SYNDIG1: variants seen among roughly 807,000 people sequenced by gnomAD.
SYNDIG1 encodes synapse differentiation inducing 1, also known as synapse differentiation-inducing gene protein 1.
A neutral mutation model predicts 19.4 loss-of-function variants in SYNDIG1; 9 were observed. That is an observed-to-expected ratio of 0.46 (90% CI 0.28 to 0.81). SYNDIG1 has a LOEUF of 0.81. SYNDIG1 is among the 30% of genes least tolerant of loss of function. The pLI is 0.12. For missense variants in SYNDIG1, 311 were observed against 343.3 expected (o/e 0.91, Z 0.74); for synonymous variants, 141 against 145.9 (o/e 0.97, Z 0.24).
intron 1 of SYNDIG1, among the ~76,000 whole-genome samples, chr20:24,478,635 C>A (rs902127611): frequency 6.6e-6 from 1 of 152,222 alleles, no homozygotes; most frequent in Non-Finnish European, 1.5e-5. Flanking sequence ...GCAGACAGCT[C>A]CAGCTTCCAG....
chr20:24,595,733 C>T (rs1470501794), intron 3 of SYNDIG1, among the ~76,000 whole-genome samples: 2 of 152,180 alleles, frequency 1.3e-5, no homozygotes, highest in African/African-American at 4.8e-5. Context: ...TTTTGTGTTT[C>T]CAGCAATGTA....
At chr20:24,656,427 T>G (rs2059526535) in intron 3 of SYNDIG1, among the ~76,000 whole-genome samples, 1 of 152,226 alleles carries the variant, frequency 6.6e-6, no homozygotes, top group East Asian at 1.9e-4. Context: ...ACGGCCTGCA[T>G]GCTGGACCCC....
intron 3 of SYNDIG1, among the ~76,000 whole-genome samples, chr20:24,654,650 GAGGAAGGA>G (rs572001347): frequency 0.033 from 3,827 of 117,426 alleles, 85 homozygotes; most frequent in African/African-American, 0.064. Context: ...GGGAGGGAGG[GAGGAAGGA>G]AGGAAGGAAG....
chr20:24,502,864 G>A (rs560704068), intron 1 of SYNDIG1, among the ~76,000 whole-genome samples: 2 of 152,346 alleles, frequency 1.3e-5, no homozygotes, highest in Admixed American at 1.3e-4. Context: ...TACAGTGCCT[G>A]CTGACGTGTC....
At chr20:24,627,519 G>A (rs927915825) in intron 3 of SYNDIG1, among the ~76,000 whole-genome samples, 1 of 152,186 alleles carries the variant, frequency 6.6e-6, no homozygotes, top group African/African-American at 2.4e-5. Context: ...GGATCATGCT[G>A]CAGTCTCCGC....
intron 3 of SYNDIG1, among the ~76,000 whole-genome samples, chr20:24,643,167 T>G (rs908978697): frequency 3.9e-5 from 6 of 152,216 alleles, no homozygotes; most frequent in African/African-American, 1.4e-4. Flanking sequence ...CACACATCAC[T>G]GCAGCCTTCT....
intron 3 of SYNDIG1, among the ~76,000 whole-genome samples, chr20:24,627,040 C>T (rs904283051): frequency 2.3e-4 from 34 of 149,848 alleles, no homozygotes; most frequent in African/African-American, 8.2e-4. Flanking sequence ...AGTCCAGCTT[C>T]GGCTCGGCAT....
chr20:24,592,680 C>T (rs2058531727), intron 3 of SYNDIG1, among the ~76,000 whole-genome samples: 1 of 152,234 alleles, frequency 6.6e-6, no homozygotes, highest in Non-Finnish European at 1.5e-5. Context: ...GCGGCACGAT[C>T]ATGGCTCACT....
chr20:24,544,593 TC>T (rs1221128467), intron 2 of SYNDIG1, among the ~76,000 whole-genome samples: 2 of 151,916 alleles, frequency 1.3e-5, no homozygotes, highest in Non-Finnish European at 2.9e-5. Flanking sequence ...GGAGCTGAAC[TC>T]CAAGCATGTA....
chr20:24,599,089 A>G (rs892280484), intron 3 of SYNDIG1, among the ~76,000 whole-genome samples: 1 of 152,196 alleles, frequency 6.6e-6, no homozygotes, highest in Non-Finnish European at 1.5e-5. Flanking sequence ...CAAACTAGAC[A>G]TCTCACAAGG....
intron 2 of SYNDIG1, among the ~76,000 whole-genome samples, chr20:24,562,258 A>G (rs2057961080): frequency 6.6e-6 from 1 of 152,274 alleles, no homozygotes; most frequent in South Asian, 2.1e-4. Context: ...AAGAGCCACC[A>G]GCATGAATAA....
At chr20:24,570,503 A>G (rs939573683) in intron 2 of SYNDIG1, among the ~76,000 whole-genome samples, 1 of 152,240 alleles carries the variant, frequency 6.6e-6, no homozygotes, top group Non-Finnish European at 1.5e-5. Flanking sequence ...ATTTGAACAG[A>G]CACTTCATGA....
chr20:24,470,666 A>T (rs769900247), intron 1 of SYNDIG1, among the ~76,000 whole-genome samples: 26 of 152,052 alleles, frequency 1.7e-4, no homozygotes, highest in Non-Finnish European at 3.1e-4. Flanking sequence ...TTTTTGCAAG[A>T]CCCTACTAGA....
chr20:24,563,013 TA>T (rs1254767744), intron 2 of SYNDIG1, among the ~76,000 whole-genome samples: 1 of 152,214 alleles, frequency 6.6e-6, no homozygotes, highest in Non-Finnish European at 1.5e-5. Context: ...CAAATAGTAG[TA>T]AAATGTTGAT....
intron 3 of SYNDIG1, among the ~76,000 whole-genome samples, chr20:24,589,109 GGC>G (rs1387569533): frequency 6.6e-6 from 1 of 152,162 alleles, no homozygotes; most frequent in East Asian, 1.9e-4. Flanking sequence ...AGGGTGGTGT[GGC>G]TTCATCTAGG....
intron 2 of SYNDIG1, among the ~76,000 whole-genome samples, chr20:24,553,562 T>C (rs1264212220): frequency 6.6e-6 from 1 of 152,256 alleles, no homozygotes; most frequent in East Asian, 1.9e-4. Context: ...AGTTATTAAA[T>C]AGGAAATCCT....
chr20:24,550,917 T>TTGGATAAGGA (rs1311517584), intron 2 of SYNDIG1, among the ~76,000 whole-genome samples: 4 of 152,324 alleles, frequency 2.6e-5, no homozygotes, highest in Non-Finnish European at 5.9e-5. Flanking sequence ...TTTCTAATCC[T>TTGGATAAGGA]TGGATAAGGA....
intron 3 of SYNDIG1, among the ~76,000 whole-genome samples, chr20:24,608,765 G>A (rs1199860656): frequency 1.3e-5 from 2 of 152,170 alleles, no homozygotes; most frequent in Admixed American, 6.5e-5. Context: ...AGTAAGGATG[G>A]GGCTGAGAAG....
At chr20:24,618,449 A>G (rs1437888886) in intron 3 of SYNDIG1, among the ~76,000 whole-genome samples, 1 of 152,084 alleles carries the variant, frequency 6.6e-6, no homozygotes, top group Non-Finnish European at 1.5e-5. Context: ...CCTCGTGGGC[A>G]CCACGGGGCT....
Sources: allele counts gnomAD v4.1 joint callset (sites outside exome capture counted in the v4.1 genomes callset), GRCh38; gene constraint gnomAD v4.1.1; transcripts MANE v1.5; gene names NCBI Gene and HGNC (gene_info 2026-07-23, HGNC 2026-07-21).